Variants in ZMIZ2 observed in about 807,000 individuals in gnomAD.
ZMIZ2 encodes the protein zinc finger MIZ domain-containing protein 2.
In ZMIZ2, 26 loss-of-function variants were observed where a neutral mutation model predicts 93.9. The observed-to-expected ratio is 0.28, with a 90% CI of 0.20 to 0.38. The LOEUF (loss-of-function observed/expected upper bound fraction) is 0.38. Ranked by LOEUF, ZMIZ2 falls within the 10% of genes least tolerant of loss-of-function variation. The pLI is 1.00. For missense variants in ZMIZ2, 1,023 were observed against 1,235.0 expected (o/e 0.83, Z 2.57); for synonymous variants, 485 against 516.4 (o/e 0.94, Z 0.82).
rs200171394 is a variant in ZMIZ2 at position 44,761,791 on chromosome 7, G to A, written c.1482G>A (p.Thr494=). 176 of 1,613,628 alleles carry A rather than the reference G, an allele frequency of 1.1e-4. No homozygotes were observed. The African/African-American group carries it at 1.8e-3, about 17-fold the overall frequency. Residue 494 remains threonine, a synonymous_variant, in exon 11 of 19, where the codon ACG becomes ACA. Coordinates refer to ENST00000309315, the MANE Select transcript of ZMIZ2 (RefSeq NM_031449.4). This position sits in a 1 kb window ranked among gnomAD's most constrained non-coding sequence, Gnocchi z 5.8. ...PASVQVSVNA[T]PLTIERGDNK... ...CGGTGCAGGTCAGCGTCAATGCCAC[G>A]CCGCTCACCATCGAGCGTGGCGACA... is the stretch of plus-strand genomic sequence containing the variant.
chr7:44,767,979 A>G lies in ZMIZ2; in HGVS notation c.*356A>G. ...TGTCCTTCCACCCCTGCCTGCCCCC[A>G]CCCAGCCTGCTTCTTGTCCAGCATT... is the stretch of plus-strand genomic sequence containing the variant. On this transcript the variant is annotated 3_prime_UTR_variant, in exon 19 of 19. Coordinates refer to ENST00000309315, the MANE Select transcript of ZMIZ2 (RefSeq NM_031449.4). The G allele has an allele frequency of 2.9e-6, 1 of 348,288 alleles. No individual in the cohort carries two copies. The highest frequency in any genetic ancestry group is 5.5e-6 in the Non-Finnish European group (1 of 182,178). The allele number at this position is 348,288 out of a possible 1,614,324, so 21.6% of individuals were successfully genotyped here. A position where few individuals can be genotyped will look rare whatever the true frequency, so the allele number is the denominator to read the frequency against.
intron 1 of ZMIZ2, among the ~76,000 whole-genome samples, chr7:44,755,688 A>G (rs1006669262): frequency 3.3e-5 from 5 of 152,080 alleles, no homozygotes; most frequent in African/African-American, 7.2e-5. Flanking sequence ...AGAACCGCCT[A>G]TGCCCCTACC....
intron 1 of ZMIZ2, among the ~76,000 whole-genome samples, chr7:44,752,012 CAG>C (rs912712512): frequency 1.3e-5 from 2 of 151,994 alleles, no homozygotes; most frequent in African/African-American, 2.4e-5. Context: ...AGAAATGACA[CAG>C]AGAGATTTAT....
Position 44,766,710 on chromosome 7 carries a change from GA to G in ZMIZ2, c.2655+48del. ...GGGGAGTGCGTGGGAGCCAGGGCTA[GA>G]GGTGGTGTGTCTGTTCCAGGTGCGT... On this transcript the variant is annotated intron_variant, in intron 18 of 18. Coordinates refer to ENST00000309315, the MANE Select transcript of ZMIZ2 (RefSeq NM_031449.4). This position sits in a 1 kb window ranked among gnomAD's most constrained non-coding sequence, Gnocchi z 4.4. The G allele has an allele frequency of 6.2e-7, 1 of 1,602,310 alleles. No homozygotes were observed. Among genetic ancestry groups the G allele is most frequent in the South Asian group, 1.1e-5 (1 of 90,672 alleles).
At chr7:44,752,280 A>T (rs1475249448) in intron 1 of ZMIZ2, among the ~76,000 whole-genome samples, 1 of 151,724 alleles carries the variant, frequency 6.6e-6, no homozygotes, top group African/African-American at 2.4e-5. Context: ...GGCGCCCACC[A>T]CTACGCCCGG....
Position 44,763,229 on chromosome 7 carries a change from T to C in ZMIZ2, c.1703-27T>C, listed in dbSNP as rs759357423. On this transcript the variant is annotated intron_variant, in intron 12 of 18. Coordinates refer to ENST00000309315, the MANE Select transcript of ZMIZ2 (RefSeq NM_031449.4). This position sits in a 1 kb window ranked among gnomAD's most constrained non-coding sequence, Gnocchi z 5.6. ...CCTCCCCATCTTGGGGACCCTTTAC[T>C]CAAGTCCTTTACCTTGTTGATGTCA... 2 of 1,610,428 alleles carry C rather than the reference T, an allele frequency of 1.2e-6. No homozygotes were observed. Among genetic ancestry groups the C allele is most frequent in the Non-Finnish European group, 1.7e-6 (2 of 1,177,358 alleles).
At chr7:44,752,344 T>C (rs1275788525) in intron 1 of ZMIZ2, among the ~76,000 whole-genome samples, 2 of 152,118 alleles carry the variant, frequency 1.3e-5, no homozygotes, top group African/African-American at 2.4e-5. Context: ...GGTTTCACCA[T>C]GTTGGCCAGG....
rs766228842 is a variant in ZMIZ2 at position 44,766,499 on chromosome 7, C to A, written c.2491C>A (p.Pro831Thr). 1.2e-6 allele frequency: 2 copies of A among 1,614,164 alleles called. No homozygotes were observed. Among genetic ancestry groups the A allele is most frequent in the African/African-American group, 2.7e-5 (2 of 75,070 alleles). Residue 831 changes from proline (P) to threonine (T), a missense_variant, in exon 18 of 19, where the codon CCA (proline) becomes ACA (threonine). By Grantham distance (38) the Pro-to-Thr change is conservative (BLOSUM62 -1). This residue lies in a region of ZMIZ2 where 319 missense variants were observed against 358.8 expected (regional missense o/e 0.89). Transcript: ENST00000309315. The surrounding 1 kb of genome is among the most constrained non-coding windows in gnomAD (Gnocchi z 4.4). ...ACACACCTCCAACCTTGGGGCCCCT[C>A]CAGGTCCCCAGCTGCACCATTCAAA... ...GLHTSNLGAP[P>T]GPQLHHSNPP...
In ZMIZ2 at chr7:44,757,536, G is replaced by A. The variant is rs1790714389; in HGVS notation, c.527G>A (p.Ser176Asn). Residue 176 changes from serine (S) to asparagine (N), a missense_variant, in exon 5 of 19, where the codon AGC becomes AAC. Coordinates refer to ENST00000309315, the MANE Select transcript of ZMIZ2 (RefSeq NM_031449.4). ...ATVAALQEKQSQELSQYGAMG... is the reference protein window; with the variant it reads ...ATVAALQEKQNQELSQYGAMG... Reference sequence around the variant, plus strand: ...GTGGCTGCTCTCCAGGAGAAGCAGAGCCAGGAGCTGAGCCAGTATGGAGCG... The same window carrying A: ...GTGGCTGCTCTCCAGGAGAAGCAGAACCAGGAGCTGAGCCAGTATGGAGCG... 6.2e-7 allele frequency: 1 copy of A among 1,608,362 alleles called. No individual in the cohort carries two copies. Among genetic ancestry groups the A allele is most frequent in the Non-Finnish European group, 8.5e-7 (1 of 1,178,098 alleles).
chr7:44,752,632 G>C (rs926371812), intron 1 of ZMIZ2, among the ~76,000 whole-genome samples: 1 of 152,154 alleles, frequency 6.6e-6, no homozygotes, highest in African/African-American at 2.4e-5. Flanking sequence ...TCTTGGGATT[G>C]GCTTTTTCCA....
intron 1 of ZMIZ2, among the ~76,000 whole-genome samples, chr7:44,752,539 C>A (rs1156289862): frequency 6.6e-6 from 1 of 152,192 alleles, no homozygotes; most frequent in African/African-American, 2.4e-5. Context: ...CATTTAACCC[C>A]TGGCAATCAC....
chr7:44,756,215 C>G lies in ZMIZ2; in HGVS notation c.-35C>G, dbSNP rs1790574049. On this transcript the variant is annotated 5_prime_UTR_variant, in exon 2 of 19. Transcript: ENST00000309315. ...AGAGCAGCTGAGTTCCAGATAAAAA[C>G]TGTCAGACCCGGCCTGTAGGCTGCT... The G allele has an allele frequency of 1.9e-6, 3 of 1,613,956 alleles. No individual in the cohort carries two copies. Among genetic ancestry groups the G allele is most frequent in the Non-Finnish European group, 2.5e-6 (3 of 1,179,952 alleles).
At position 44,765,926 on chromosome 7, in the gene ZMIZ2, G is replaced by A; in HGVS notation, c.2243-238G>A. On this transcript the variant is annotated intron_variant, in intron 16 of 18. Coordinates refer to ENST00000309315, the MANE Select transcript of ZMIZ2 (RefSeq NM_031449.4). The surrounding 1 kb of genome is among the most constrained non-coding windows in gnomAD (Gnocchi z 4.1). ...CACACGCGTGGTGCGTTTGTTTGTGGCTGCTCCCATTCCTATAACCTCCGA... is the reference window on the plus strand; with the variant it reads ...CACACGCGTGGTGCGTTTGTTTGTGACTGCTCCCATTCCTATAACCTCCGA... The A allele has an allele frequency of 2.2e-6, 3 of 1,375,452 alleles. No homozygotes were observed. Among genetic ancestry groups the A allele is most frequent in the Non-Finnish European group, 2.8e-6 (3 of 1,069,688 alleles). The allele number at this position is 1,375,452 out of a possible 1,614,324, so 85.2% of individuals were successfully genotyped here.
At position 44,757,471 on chromosome 7, in the gene ZMIZ2, T is replaced by A. The variant is rs775481249; in HGVS notation, c.462T>A (p.Ala154=). ...AAGCGGCAGCTGCTGCAGCTGTGGC[T>A]GCTGCGGCAGCCACTGCCACCGCCA... ...FTQAAAAAAV[A]AAAATATATA... is the part of the protein sequence containing the mutation. The change falls in exon 5 of 19, where the codon GCT becomes GCA. Residue 154 remains alanine, a synonymous_variant. Transcript: ENST00000309315. 1.2e-6 allele frequency: 2 copies of A among 1,604,924 alleles called. No individual in the cohort carries two copies. Among genetic ancestry groups the A allele is most frequent in the African/African-American group, 2.7e-5 (2 of 74,876 alleles).
At chr7:44,754,652 T>C (rs532604391) in intron 1 of ZMIZ2, among the ~76,000 whole-genome samples, 1 of 152,120 alleles carries the variant, frequency 6.6e-6, no homozygotes, top group East Asian at 1.9e-4. Flanking sequence ...GCACAAGAAA[T>C]GGCAGCCTAG....
intron 1 of ZMIZ2, among the ~76,000 whole-genome samples, chr7:44,754,871 G>A (rs1421101150): frequency 1.3e-5 from 2 of 152,204 alleles, no homozygotes; most frequent in African/African-American, 2.4e-5. Context: ...TGCAGCCAGT[G>A]TTCCTCTGTG....
In ZMIZ2 at chr7:44,761,866, C is replaced by G; in HGVS notation, c.1557C>G (p.Gly519=). ...PLYLKHVCQP[G]RNTIQITVTA... is the part of the protein sequence containing the mutation. Reference sequence around the variant, plus strand: ...ACCTGAAGCATGTGTGCCAGCCAGGCCGCAACACCATCCAGATCACCGTCA... The same window carrying G: ...ACCTGAAGCATGTGTGCCAGCCAGGGCGCAACACCATCCAGATCACCGTCA... Residue 519 remains glycine, a synonymous_variant, in exon 11 of 19, where the codon GGC becomes GGG. Transcript: ENST00000309315. The surrounding 1 kb of genome is among the most constrained non-coding windows in gnomAD (Gnocchi z 5.8). 1 of 1,613,938 alleles carries G rather than the reference C, an allele frequency of 6.2e-7. No homozygotes were observed. Among genetic ancestry groups the G allele is most frequent in the Non-Finnish European group, 8.5e-7 (1 of 1,180,020 alleles).
In ZMIZ2 at chr7:44,761,579, G is replaced by A; in HGVS notation, c.1371G>A (p.Lys457=). 3.1e-6 allele frequency: 5 copies of A among 1,614,044 alleles called. No homozygotes were observed. Among genetic ancestry groups the A allele is most frequent in the Non-Finnish European group, 4.2e-6 (5 of 1,180,014 alleles). Residue 457 remains lysine, a synonymous_variant, in exon 10 of 19, where the codon AAG becomes AAA. Coordinates refer to ENST00000309315, the MANE Select transcript of ZMIZ2 (RefSeq NM_031449.4). The surrounding 1 kb of genome is among the most constrained non-coding windows in gnomAD (Gnocchi z 5.8). ...HVFQLRDSVY[K]TLIMRPDLEL... is the part of the protein sequence containing the mutation. Reference sequence around the variant, plus strand: ...TCCAGCTGCGAGACTCAGTCTACAAGACCCTGATAATGAGGTGAGCTCCGC... The same window carrying A: ...TCCAGCTGCGAGACTCAGTCTACAAAACCCTGATAATGAGGTGAGCTCCGC...
chr7:44,759,629 G>A, intron 7 of ZMIZ2, 169 bp downstream of exon 7: 1 of 330,878 alleles, frequency 3.0e-6, no homozygotes, highest in South Asian at 7.3e-5. Context: ...GATGGGGGGT[G>A]GGGGGTGGGG....
Sources: gnomAD v4.1 joint callset for allele counts (sites outside exome capture counted in the v4.1 genomes callset) on GRCh38, gnomAD v4.1.1 for gene constraint, gnomAD v4.1.1 regional missense constraint, Gnocchi (gnomAD v3.1) non-coding constraint, MANE v1.5 for transcripts, NCBI Gene and HGNC (gene_info 2026-07-23, HGNC 2026-07-21) for gene names.